Variants in DCBLD1 observed in about 807,000 individuals in gnomAD.
The protein encoded by DCBLD1 is discoidin, CUB and LCCL domain containing 1.
In DCBLD1, 57 loss-of-function variants were observed where a neutral mutation model predicts 71.5. The ratio of observed to expected loss-of-function variants is 0.80; its 90% confidence interval spans 0.64 to 0.99. The LOEUF (loss-of-function observed/expected upper bound fraction) is 0.99. DCBLD1 is among the 50% of genes least tolerant of loss of function. The pLI, the probability that DCBLD1 is intolerant of heterozygous loss-of-function variation, is 0.00. For synonymous variants in DCBLD1, 380 were observed against 363.8 expected, an observed-to-expected ratio of 1.04 and a Z score of -0.51; for missense variants, 891 against 923.5, an observed-to-expected ratio of 0.96 and a Z score of 0.46.
intron 2 of DCBLD1, among the ~76,000 whole-genome samples, chr6:117,514,229 A>G (rs1011741157): frequency 3.9e-5 from 6 of 152,234 alleles, no homozygotes; most frequent in Non-Finnish European, 7.3e-5. Context: ...TACTACAGCC[A>G]GTATTCAACT....
intron 5 of DCBLD1, among the ~76,000 whole-genome samples, chr6:117,530,469 G>A (rs1009968047): frequency 7.9e-5 from 12 of 152,282 alleles, no homozygotes; most frequent in Middle Eastern, 3.4e-3. Flanking sequence ...GAGCTCAGGC[G>A]GTAATGTGTG....
At chr6:117,552,334 G>A (rs544302840), downstream of DCBLD1, among the ~76,000 whole-genome samples, 20 of 152,174 alleles carry the variant, frequency 1.3e-4, no homozygotes, top group East Asian at 2.1e-3. Context: ...TTAGATGATC[G>A]ATCAATATTA....
At position 117,547,909 on chromosome 6, in the gene DCBLD1, T is replaced by A; in HGVS notation, c.1618T>A (p.Tyr540Asn). The change falls in exon 15 of 15, where the codon TAC becomes AAC. Residue 540 changes from tyrosine to asparagine, a missense_variant and splice_region_variant. Tyr to Asn is a moderately radical substitution (Grantham distance 143). Transcript: ENST00000338728. ...TGCCATCTGTCTTGTGGTTTCAGAT[T>A]ACCAGCAGCCCCTCATGATTGGCAC... ...LDLITSDMAD[Y>N]QQPLMIGTGT... 2 of 1,550,432 alleles carry A rather than the reference T, an allele frequency of 1.3e-6. No individual in the cohort carries two copies. Among genetic ancestry groups the A allele is most frequent in the South Asian group, 2.4e-5 (2 of 84,062 alleles).
intron 1 of DCBLD1, among the ~76,000 whole-genome samples, chr6:117,501,320 T>C (rs573077038): frequency 6.9e-6 from 1 of 145,082 alleles, no homozygotes; most frequent in African/African-American, 2.7e-5. Flanking sequence ...GGTTGTCACG[T>C]CTTTCAGTTG....
exon 15 of DCBLD1, chr6:117,569,819 A>G: frequency 2.2e-6 from 3 of 1,378,526 alleles, no homozygotes; most frequent in Non-Finnish European, 2.9e-6. Flanking sequence ...ATATTTTCTT[A>G]AAAATATATT....
chr6:117,566,831 A>G, intron 14 of DCBLD1: 1 of 1,454,558 alleles, frequency 6.9e-7, no homozygotes. Context: ...TATGTTAATA[A>G]TAATTTTTAG....
At chr6:117,535,205 G>T (rs1778844649) in intron 6 of DCBLD1, among the ~76,000 whole-genome samples, 1 of 152,188 alleles carries the variant, frequency 6.6e-6, no homozygotes, top group Non-Finnish European at 1.5e-5. Flanking sequence ...ATATCCAGGG[G>T]TCTTCTGGGA....
rs1562127278 is a variant in DCBLD1, at chr6:117,548,209, T to TC, written c.1923dup (p.Val642ArgfsTer41). 6.5e-7 allele frequency: 1 copy of TC among 1,550,308 alleles called. No homozygotes were observed. Among genetic ancestry groups the TC allele is most frequent in the Non-Finnish European group, 8.7e-7 (1 of 1,146,910 alleles). ...ACACTCCCTCTCCTCGGGCGGCTTC[T>TC]CCCCCGTAGCGGGTGTGGGCGCCCA... On this transcript the variant is annotated frameshift_variant, in exon 15 of 15. Transcript: ENST00000338728. LOFTEE classifies it low-confidence loss of function (END_TRUNC).
intron 6 of DCBLD1, among the ~76,000 whole-genome samples, chr6:117,534,744 A>G (rs1778830703): frequency 6.7e-6 from 1 of 150,346 alleles, no homozygotes; most frequent in Non-Finnish European, 1.5e-5. Context: ...ATACATATAT[A>G]ATATATTTTA....
intron 1 of DCBLD1, among the ~76,000 whole-genome samples, chr6:117,487,308 T>G (rs979608749): frequency 6.6e-6 from 1 of 152,144 alleles, no homozygotes; most frequent in Non-Finnish European, 1.5e-5. Context: ...ATTCCTGCCC[T>G]GTAAGACTCA....
chr6:117,490,889 G>A (rs1350643558), intron 1 of DCBLD1, among the ~76,000 whole-genome samples: 1 of 152,144 alleles, frequency 6.6e-6, no homozygotes, highest in Non-Finnish European at 1.5e-5. Flanking sequence ...TTTAGTGATT[G>A]TGCTTAAAGG....
At chr6:117,524,304 AT>A (rs1338856302) in intron 4 of DCBLD1, among the ~76,000 whole-genome samples, 1 of 150,982 alleles carries the variant, frequency 6.6e-6, no homozygotes, top group Non-Finnish European at 1.5e-5. Flanking sequence ...GGTTCAAGTG[AT>A]TCCCTCCTGC....
At chr6:117,514,270 C>T (rs1030164054) in intron 2 of DCBLD1, among the ~76,000 whole-genome samples, 3 of 152,116 alleles carry the variant, frequency 2.0e-5, no homozygotes, top group Non-Finnish European at 4.4e-5. Context: ...AAAACTCATT[C>T]TTGCTATTCT....
intron 3 of DCBLD1, among the ~76,000 whole-genome samples, chr6:117,520,695 G>A (rs572188513): frequency 6.6e-6 from 1 of 152,196 alleles, no homozygotes; most frequent in Non-Finnish European, 1.5e-5. Flanking sequence ...TCCTGTCCTG[G>A]GCTCTTGTGC....
chr6:117,539,181 AAAC>A, intron 8 of DCBLD1, 71 bp from the exon 9 acceptor site: 1 of 1,332,984 alleles, frequency 7.5e-7, no homozygotes, highest in Non-Finnish European at 1.0e-6. Context: ...GAAAAAAATG[AAAC>A]TTGAAATTAT....
chr6:117,487,853 G>A (rs1777143561), intron 1 of DCBLD1, among the ~76,000 whole-genome samples: 1 of 151,830 alleles, frequency 6.6e-6, no homozygotes, highest in African/African-American at 2.4e-5. Flanking sequence ...CCAAACTGAG[G>A]AGTCATGTGG....
chr6:117,530,865 A>G (rs1351954210), intron 5 of DCBLD1, among the ~76,000 whole-genome samples: 2 of 152,220 alleles, frequency 1.3e-5, no homozygotes, highest in Non-Finnish European at 2.9e-5. Context: ...ATTAAAGAGT[A>G]CGATCTTTAC....
At chr6:117,518,109 A>T (rs1373118901) in intron 2 of DCBLD1, among the ~76,000 whole-genome samples, 1 of 152,154 alleles carries the variant, frequency 6.6e-6, no homozygotes. Flanking sequence ...CTTTAACAGT[A>T]CCCAAGTTAC....
chr6:117,559,927 A>C (rs1027322213), intron 14 of DCBLD1, among the ~76,000 whole-genome samples: 1 of 152,184 alleles, frequency 6.6e-6, no homozygotes, highest in African/African-American at 2.4e-5. Context: ...ATTAGCACTA[A>C]ATCAAGGTTA....
Sources: allele counts gnomAD v4.1 joint callset (sites outside exome capture counted in the v4.1 genomes callset), GRCh38; gene constraint gnomAD v4.1.1; transcripts MANE v1.5; gene names NCBI Gene and HGNC (gene_info 2026-07-23, HGNC 2026-07-21).